Variants in SLC30A2 observed in about 807,000 individuals in gnomAD.
SLC30A2 encodes solute carrier family 30 member 2.
In SLC30A2, 19 loss-of-function variants were observed where a neutral mutation model predicts 39.6. The observed-to-expected ratio is 0.48, with a 90% CI of 0.34 to 0.70. The LOEUF (loss-of-function observed/expected upper bound fraction) is 0.70. Among genes scored for constraint, SLC30A2 ranks in the 30% least tolerant of loss-of-function variants. The probability of loss-of-function intolerance (pLI) is 0.01; values close to 1 mark genes in which losing one functional copy is unlikely to be tolerated. For missense variants in SLC30A2, 387 were observed against 479.4 expected (o/e 0.81, Z 1.80); for synonymous variants, 195 against 194.8 (o/e 1.00, Z -0.01).
In SLC30A2 at chr1:26,046,005, G is replaced by A; in HGVS notation, c.-109C>T. 6.8e-7 allele frequency: 1 copy of A among 1,475,698 alleles called. No homozygotes were observed. Among genetic ancestry groups the A allele is most frequent in the Non-Finnish European group, 8.9e-7 (1 of 1,122,924 alleles). 91.4% of individuals were successfully genotyped at this position (1,475,698 alleles called of 1,614,324 possible). A position where few individuals can be genotyped will look rare whatever the true frequency, so the allele number is the denominator to read the frequency against. Reference sequence around the variant, plus strand: ...CTCACCCACCTGCCCCGAGGGCCCCGCGAGGTGCGCTCACTCCGGCCCGGC... The same window carrying A: ...CTCACCCACCTGCCCCGAGGGCCCCACGAGGTGCGCTCACTCCGGCCCGGC... On this transcript the variant is annotated 5_prime_UTR_variant, in exon 1 of 8. Coordinates refer to ENST00000374276, the MANE Select transcript of SLC30A2 (RefSeq NM_001004434.3). This position sits in a 1 kb window ranked among gnomAD's most constrained non-coding sequence, Gnocchi z 4.4.
intron 1 of SLC30A2, among the ~76,000 whole-genome samples, chr1:26,045,617 T>A (rs1360848674): frequency 6.6e-6 from 1 of 152,086 alleles, no homozygotes; most frequent in Non-Finnish European, 1.5e-5. Context: ...GAACCGCCAA[T>A]CCCCCGGCCC....
At position 26,038,893 on chromosome 1, in the gene SLC30A2, A is replaced by C; in HGVS notation, c.*267T>G. On this transcript the variant is annotated 3_prime_UTR_variant, in exon 8 of 8. Coordinates refer to ENST00000374276, the MANE Select transcript of SLC30A2 (RefSeq NM_001004434.3). ...GCGAGTGGTAGAACATTTGCTGAGG[A>C]TTAGGCCCAAATACAGCCCTTCCAG... is the stretch of plus-strand genomic sequence containing the variant. 1 of 863,096 alleles carries C rather than the reference A, an allele frequency of 1.2e-6. No homozygotes were observed. The highest frequency in any genetic ancestry group is 1.5e-6 in the Non-Finnish European group (1 of 657,668). The allele number at this position is 863,096 out of a possible 1,614,324, so 53.5% of individuals were successfully genotyped here.
rs2050458210 is a variant in SLC30A2, at chr1:26,045,882, C to T, written c.15G>A (p.Glu5=). ...GCCTGGCGTCCAACAGATGCTGCTTCTCCTTGGCCTCCATGCAGTCCCGCG... is the reference window on the plus strand; with the variant it reads ...GCCTGGCGTCCAACAGATGCTGCTTTTCCTTGGCCTCCATGCAGTCCCGCG... The part of the protein sequence containing the change: MEAK[E]KQHLLDARPA... The change falls in exon 1 of 8, where the codon GAG becomes GAA. Residue 5 remains glutamate (E), a synonymous_variant. Transcript: ENST00000374276. 1.2e-6 allele frequency: 2 copies of T among 1,612,828 alleles called. No individual in the cohort carries two copies. The highest frequency in any genetic ancestry group is 2.7e-5 in the African/African-American group (2 of 75,056).
Position 26,046,020 on chromosome 1 carries a change from T to A in SLC30A2, c.-124A>T, listed in dbSNP as rs2050460579. 19 of 1,406,510 alleles carry A rather than the reference T, an allele frequency of 1.4e-5. No homozygotes were observed. Among genetic ancestry groups the A allele is most frequent in the Non-Finnish European group, 1.7e-5 (19 of 1,091,386 alleles). The allele number at this position is 1,406,510 out of a possible 1,614,324, so 87.1% of individuals were successfully genotyped here. A position where few individuals can be genotyped will look rare whatever the true frequency, so the allele number is the denominator to read the frequency against. On this transcript the variant is annotated 5_prime_UTR_variant, in exon 1 of 8. Coordinates refer to ENST00000374276, the MANE Select transcript of SLC30A2 (RefSeq NM_001004434.3). This position sits in a 1 kb window ranked among gnomAD's most constrained non-coding sequence, Gnocchi z 4.4. ...CGAGGGCCCCGCGAGGTGCGCTCAC[T>A]CCGGCCCGGCTCCTGCGGCCCCTGA...
chr1:26,039,959 C>A lies in SLC30A2; in HGVS notation c.839-48G>T, dbSNP rs202017105. On this transcript the variant is annotated intron_variant, in intron 6 of 7. Transcript: ENST00000374276. This position sits in a 1 kb window ranked among gnomAD's most constrained non-coding sequence, Gnocchi z 4.3. ...AAACTAAAGGAAACTACCCCTCCCA[C>A]GCCTGCCCATTGGTGCAGGGCTGGC... The A allele has an allele frequency of 1.2e-6, 2 of 1,609,666 alleles. No individual in the cohort carries two copies. Among genetic ancestry groups the A allele is most frequent in the East Asian group, 4.5e-5 (2 of 44,806 alleles).
In SLC30A2 at chr1:26,039,675, A is replaced by G; in HGVS notation, c.973+102T>C. 1 of 1,197,278 alleles carries G rather than the reference A, an allele frequency of 8.4e-7. No individual in the cohort carries two copies. Among genetic ancestry groups the G allele is most frequent in the South Asian group, 1.4e-5 (1 of 70,340 alleles). The allele number at this position is 1,197,278 out of a possible 1,614,324, so 74.2% of individuals were successfully genotyped here. On this transcript the variant is annotated intron_variant, in intron 7 of 7. Coordinates refer to ENST00000374276, the MANE Select transcript of SLC30A2 (RefSeq NM_001004434.3). This position sits in a 1 kb window ranked among gnomAD's most constrained non-coding sequence, Gnocchi z 4.3. ...CTCAGCATGAGGCTGGGCTTGATGC[A>G]TGGGCACTGTGAGCATCTGGGGTCA...
chr1:26,043,460 G>A lies in SLC30A2; in HGVS notation c.510C>T (p.Asp170=). Residue 170 remains aspartate (D), a synonymous_variant, in exon 4 of 8, where the codon GAC becomes GAT. Transcript: ENST00000374276. ...GCATGGTCCCCCCGTCAATTTCATA[G>A]TCCCCAGAGATCAGCCGCTCCACAG... The part of the protein sequence containing the change: ...YLAVERLISG[D]YEIDGGTMLI... 1 of 1,614,116 alleles carries A rather than the reference G, an allele frequency of 6.2e-7. No individual in the cohort carries two copies. Among genetic ancestry groups the A allele is most frequent in the Non-Finnish European group, 8.5e-7 (1 of 1,180,004 alleles).
intron 1 of SLC30A2, 179 bp from the exon 2 acceptor site, chr1:26,045,396 G>C: frequency 1.6e-6 from 1 of 623,486 alleles, no homozygotes; most frequent in Non-Finnish European, 2.8e-6. Flanking sequence ...GGGAATGGGA[G>C]TCCTGGGGCC....
At position 26,039,273 on chromosome 1, in the gene SLC30A2, T is replaced by A. The variant is rs753914698; in HGVS notation, c.1006A>T (p.Thr336Ser). 6.2e-7 allele frequency: 1 copy of A among 1,614,028 alleles called. No individual in the cohort carries two copies. Among genetic ancestry groups the A allele is most frequent in the Non-Finnish European group, 8.5e-7 (1 of 1,179,956 alleles). Residue 336 changes from threonine (T) to serine (S), a missense_variant, in exon 8 of 8, where the codon ACA becomes TCA. Transcript: ENST00000374276. The surrounding 1 kb of genome is among the most constrained non-coding windows in gnomAD (Gnocchi z 4.3). ...QNTDAQAVLK[T>S]ASSRLQGKFH... ...TTCCCTTGGAGGCGGCTGCTGGCTG[T>A]CTTCAGCACAGCCTGGGCGTCTGTA...
At chr1:26,043,278 G>T (rs997840545) in intron 4 of SLC30A2, 120 bp downstream of exon 4, 52 of 1,094,398 alleles carry the variant, frequency 4.8e-5, no homozygotes, top group Non-Finnish European at 3.1e-5. Context: ...CATTAGGGAA[G>T]TTCTGTCCCT....
chr1:26,041,272 G>C (rs1182957432), intron 6 of SLC30A2, among the ~76,000 whole-genome samples: 1 of 152,142 alleles, frequency 6.6e-6, no homozygotes, highest in African/African-American at 2.4e-5. Context: ...CTTTGTCCAA[G>C]GCTGACTGTC....
At position 26,039,838 on chromosome 1, in the gene SLC30A2, G is replaced by A. The variant is rs2050377793; in HGVS notation, c.912C>T (p.His304=). The change falls in exon 7 of 8, where the codon CAC becomes CAT. Residue 304 remains histidine, a synonymous_variant. Transcript: ENST00000374276. The surrounding 1 kb of genome is among the most constrained non-coding windows in gnomAD (Gnocchi z 4.3). ...LLSVEGVEAL[H]SLHIWALTVA... is the part of the protein sequence containing the mutation. ...CCGTCAGTGCCCAGATATGCAGGCT[G>A]TGCAGGGCTTCTACCCCCTCCACCG... is the stretch of plus-strand genomic sequence containing the variant. 1 of 1,614,058 alleles carries A rather than the reference G, an allele frequency of 6.2e-7. No individual in the cohort carries two copies. Among genetic ancestry groups the A allele is most frequent in the Non-Finnish European group, 8.5e-7 (1 of 1,180,018 alleles).
At position 26,042,603 on chromosome 1, in the gene SLC30A2, G is replaced by A. The variant is rs779348085; in HGVS notation, c.678C>T (p.Gly226=). ...GGACACCCATGCTCTGCATAAAGTC[G>A]CCGATCACATGGATGAAGGCAGCTC... ...SVRAAFIHVI[G]DFMQSMGVLV... Residue 226 remains glycine (G), a synonymous_variant, in exon 5 of 8, where the codon GGC becomes GGT. Transcript: ENST00000374276. 19 of 1,613,974 alleles carry A rather than the reference G, an allele frequency of 1.2e-5. 1 individual carries two copies. In the South Asian group the frequency reaches 1.3e-4, roughly 11 times the overall value.
At position 26,039,052 on chromosome 1, in the gene SLC30A2, G is replaced by A; in HGVS notation, c.*108C>T. The A allele has an allele frequency of 6.6e-7, 1 of 1,512,526 alleles. No homozygotes were observed. Among genetic ancestry groups the A allele is most frequent in the Non-Finnish European group, 8.9e-7 (1 of 1,127,118 alleles). 93.7% of individuals were successfully genotyped at this position (1,512,526 alleles called of 1,614,324 possible). ...GGGGCAGAGGTCAGGAGGGGGACCT[G>A]GTTTACAACACAGCTGGGGTAGGCA... On this transcript the variant is annotated 3_prime_UTR_variant, in exon 8 of 8. Coordinates refer to ENST00000374276, the MANE Select transcript of SLC30A2 (RefSeq NM_001004434.3). The surrounding 1 kb of genome is among the most constrained non-coding windows in gnomAD (Gnocchi z 4.3).
chr1:26,042,814 G>A, intron 4 of SLC30A2, 106 bp from the exon 5 acceptor site: 1 of 1,018,322 alleles, frequency 9.8e-7, no homozygotes, highest in African/African-American at 1.6e-5. Context: ...CCTAAACCTT[G>A]TGATCTCTTT....
chr1:26,044,736 C>A (rs148846932), intron 2 of SLC30A2, among the ~76,000 whole-genome samples: 289 of 152,370 alleles, frequency 1.9e-3, no homozygotes, highest in Non-Finnish European at 3.3e-3. Context: ...GGAATTCAGG[C>A]CTTCCCTTAG....
intron 1 of SLC30A2, 191 bp from the exon 2 acceptor site, chr1:26,045,408 G>A (rs1447000774): frequency 4.9e-6 from 3 of 614,664 alleles, no homozygotes; most frequent in Admixed American, 5.9e-5. Context: ...CCTGGGGCCC[G>A]GGGCCCTTCA....
In SLC30A2 at chr1:26,042,583, C is replaced by T. The variant is rs201084300; in HGVS notation, c.698G>A (p.Gly233Asp). The T allele has an allele frequency of 1.9e-6, 3 of 1,614,152 alleles. No homozygotes were observed. The highest frequency in any genetic ancestry group is 2.2e-5 in the East Asian group (1 of 44,886). ...HVIGDFMQSM[G>D]VLVAAYILYF... The stretch of plus-strand genomic sequence containing the variant: ...TAAAATATAGGCTGCCACTAGGACA[C>T]CCATGCTCTGCATAAAGTCGCCGAT... Residue 233 changes from glycine (G) to aspartate (D), a missense_variant, in exon 5 of 8, where the codon GGT (glycine) becomes GAT (aspartate). Gly to Asp is a moderately conservative substitution (Grantham distance 94, BLOSUM62 -1). Coordinates refer to ENST00000374276, the MANE Select transcript of SLC30A2 (RefSeq NM_001004434.3).
Position 26,046,036 on chromosome 1 carries a change from C to A in SLC30A2, c.-140G>T, listed in dbSNP as rs1295921303. 6 of 1,376,806 alleles carry A rather than the reference C, an allele frequency of 4.4e-6. No homozygotes were observed. In the East Asian group the frequency reaches 1.5e-4, roughly 35 times the overall value. The allele number at this position is 1,376,806 out of a possible 1,614,324, so 85.3% of individuals were successfully genotyped here. On this transcript the variant is annotated 5_prime_UTR_variant, in exon 1 of 8. Transcript: ENST00000374276. This position sits in a 1 kb window ranked among gnomAD's most constrained non-coding sequence, Gnocchi z 4.4. ...TGCGCTCACTCCGGCCCGGCTCCTG[C>A]GGCCCCTGAGCTCCCCCGGCTCCCG...
Sources: allele counts gnomAD v4.1 joint callset (sites outside exome capture counted in the v4.1 genomes callset), GRCh38; gene constraint gnomAD v4.1.1; non-coding constraint Gnocchi (gnomAD v3.1); transcripts MANE v1.5; gene names NCBI Gene and HGNC (gene_info 2026-07-23, HGNC 2026-07-21).